The following DLGAP2 variants were observed in gnomAD, a reference collection of about 807,000 sequenced individuals.
DLGAP2 encodes the protein disks large-associated protein 2.
A neutral mutation model predicts 100.3 loss-of-function variants in DLGAP2; 26 were observed. The ratio of observed to expected loss-of-function variants is 0.26; its 90% CI spans 0.19 to 0.36. The LOEUF is 0.36. Ranked by LOEUF, DLGAP2 falls within the 10% of genes least tolerant of loss-of-function variation. DLGAP2 has a pLI of 1.00. For synonymous variants in DLGAP2, 886 were observed against 630.1 expected (o/e 1.41, Z -6.08); for missense variants, 1,858 against 1,453.2 (o/e 1.28, Z -4.53).
chr8:1,356,762 T>C (rs1360587358), intron 3 of DLGAP2, among the ~76,000 whole-genome samples: 1 of 151,966 alleles, frequency 6.6e-6, no homozygotes, highest in East Asian at 1.9e-4. Context: ...AAACAGACAG[T>C]GGGATATGGT....
intron 3 of DLGAP2, among the ~76,000 whole-genome samples, chr8:1,371,961 A>C (rs1350993397): frequency 1.3e-5 from 2 of 152,234 alleles, no homozygotes; most frequent in African/African-American, 2.4e-5. Flanking sequence ...GGAGAACAGA[A>C]AAGAGTTTCT....
intron 4 of DLGAP2, among the ~76,000 whole-genome samples, chr8:1,538,118 C>T: frequency 6.6e-6 from 1 of 152,184 alleles, no homozygotes; most frequent in East Asian, 1.9e-4. Flanking sequence ...GCTGCCGAGG[C>T]ACTCATGTCC....
intron 2 of DLGAP2, among the ~76,000 whole-genome samples, chr8:1,131,208 C>G (rs953654043): frequency 6.6e-6 from 1 of 152,138 alleles, no homozygotes; most frequent in East Asian, 1.9e-4. Context: ...CCATTAGTAG[C>G]CACTCAGAGT....
At chr8:1,578,348 G>T (rs1803078862) in intron 6 of DLGAP2, among the ~76,000 whole-genome samples, 2 of 152,158 alleles carry the variant, frequency 1.3e-5, no homozygotes, top group South Asian at 4.1e-4. Context: ...ATAGGTATGG[G>T]TTCAGGTTCT....
At chr8:1,207,739 T>G (rs1319007389) in intron 2 of DLGAP2, among the ~76,000 whole-genome samples, 1 of 152,180 alleles carries the variant, frequency 6.6e-6, no homozygotes, top group African/African-American at 2.4e-5. Flanking sequence ...ATTTTTTTAT[T>G]TTTTAATTAT....
chr8:985,414 C>T (rs968873864), intron 2 of DLGAP2, among the ~76,000 whole-genome samples: 1 of 152,252 alleles, frequency 6.6e-6, no homozygotes, highest in Non-Finnish European at 1.5e-5. Context: ...AGGGCCATGA[C>T]AACCACCTCA....
chr8:1,065,794 C>G (rs779844232), intron 2 of DLGAP2, among the ~76,000 whole-genome samples: 5 of 152,140 alleles, frequency 3.3e-5, no homozygotes, highest in African/African-American at 4.8e-5. Flanking sequence ...GTCGAAGCCC[C>G]CAAATAGTTC....
At chr8:1,077,102 G>A (rs1803645873) in intron 2 of DLGAP2, among the ~76,000 whole-genome samples, 1 of 152,118 alleles carries the variant, frequency 6.6e-6, no homozygotes, top group South Asian at 2.1e-4. Context: ...CAATGTTTGG[G>A]GTTCCGTGGC....
intron 2 of DLGAP2, among the ~76,000 whole-genome samples, chr8:1,203,066 G>A (rs1257115473): frequency 2.6e-5 from 4 of 152,142 alleles, no homozygotes; most frequent in African/African-American, 7.2e-5. Context: ...GCTGCTCTCC[G>A]GCTCTCCCAA....
chr8:1,666,366 GC>G (rs1275389218), intron 8 of DLGAP2, among the ~76,000 whole-genome samples: 2 of 152,132 alleles, frequency 1.3e-5, no homozygotes, highest in Non-Finnish European at 2.9e-5. Flanking sequence ...TCCAATGCAT[GC>G]TTTTTACAAA....
chr8:1,362,905 C>T (rs974057875), intron 3 of DLGAP2, among the ~76,000 whole-genome samples: 1 of 152,156 alleles, frequency 6.6e-6, no homozygotes, highest in Non-Finnish European at 1.5e-5. Flanking sequence ...CTCGTCTTTC[C>T]CGTCTGTCTG....
intron 1 of DLGAP2, among the ~76,000 whole-genome samples, chr8:831,728 C>A (rs895605159): frequency 1.3e-5 from 2 of 152,088 alleles, no homozygotes; most frequent in African/African-American, 4.8e-5. Context: ...TGGGTATATA[C>A]CCAGTAATTA....
intron 6 of DLGAP2, among the ~76,000 whole-genome samples, chr8:1,588,361 C>T (rs1430620027): frequency 6.6e-6 from 1 of 152,162 alleles, no homozygotes; most frequent in Non-Finnish European, 1.5e-5. Context: ...AGTGGAATCA[C>T]ACCATTAGTA....
intron 3 of DLGAP2, among the ~76,000 whole-genome samples, chr8:1,454,249 C>T (rs1024635879): frequency 2.0e-5 from 3 of 152,186 alleles, no homozygotes; most frequent in Admixed American, 6.5e-5. Context: ...TCATCCACAG[C>T]GTCCCCACTT....
intron 4 of DLGAP2, among the ~76,000 whole-genome samples, chr8:1,536,786 C>G (rs766289815): frequency 7.9e-5 from 12 of 152,188 alleles, no homozygotes; most frequent in African/African-American, 1.2e-4. Context: ...TTTCCCACCT[C>G]TTTATTTTTA....
At chr8:1,411,159 G>A (rs1265424996) in intron 3 of DLGAP2, among the ~76,000 whole-genome samples, 6 of 152,030 alleles carry the variant, frequency 3.9e-5, no homozygotes, top group African/African-American at 9.7e-5. Context: ...TAAAATCGTC[G>A]TATGTTAATT....
At chr8:1,544,930 A>G (rs1801483937) in intron 4 of DLGAP2, among the ~76,000 whole-genome samples, 1 of 151,934 alleles carries the variant, frequency 6.6e-6, no homozygotes, top group South Asian at 2.1e-4. Flanking sequence ...ATGGGGTTTC[A>G]CCATGTTGGC....
At chr8:770,428 C>G (rs1028688277) in intron 1 of DLGAP2, among the ~76,000 whole-genome samples, 3 of 152,160 alleles carry the variant, frequency 2.0e-5, no homozygotes, top group African/African-American at 7.2e-5. Flanking sequence ...GACTGATGAC[C>G]AAAGACTTTT....
chr8:914,754 C>T (rs190217017), intron 2 of DLGAP2, among the ~76,000 whole-genome samples: 1 of 152,354 alleles, frequency 6.6e-6, no homozygotes, highest in African/African-American at 2.4e-5. Context: ...TAGCTCAAGG[C>T]TGCATGTTCT....
Sources: allele counts gnomAD v4.1 joint callset (sites outside exome capture counted in the v4.1 genomes callset), GRCh38; gene constraint gnomAD v4.1.1; transcripts MANE v1.5; gene names NCBI Gene and HGNC (gene_info 2026-07-23, HGNC 2026-07-21).